Variants in SH3BGRL2 observed in about 807,000 individuals in gnomAD.
The protein encoded by SH3BGRL2 is SH3 domain binding glutamate rich protein like 2.
Under a neutral mutation model 14.8 loss-of-function variants are expected in SH3BGRL2, and 21 were observed. The observed-to-expected ratio is 1.42, with a 90% confidence interval of 1.01 to 2.05. The LOEUF (loss-of-function observed/expected upper bound fraction) is 2.05, where lower values mean the gene tolerates loss of function less well. SH3BGRL2 is among the 30% of genes most tolerant of loss of function. The pLI, the probability that SH3BGRL2 is intolerant of heterozygous loss-of-function variation, is 0.00. For synonymous variants in SH3BGRL2, 50 were observed against 47.8 expected (o/e 1.05, Z -0.19); for missense variants, 147 against 130.8 (o/e 1.12, Z -0.61).
intron 1 of SH3BGRL2, among the ~76,000 whole-genome samples, chr6:79,641,624 T>G (rs372570033): frequency 6.6e-6 from 1 of 152,228 alleles, no homozygotes; most frequent in Non-Finnish European, 1.5e-5. Flanking sequence ...AAAGCTCTTA[T>G]GAGCTTTGAA....
chr6:79,595,116 T>C, the SH3BGRL2 span, among the ~76,000 whole-genome samples: 1 of 152,164 alleles, frequency 6.6e-6, no homozygotes, highest in Non-Finnish European at 1.5e-5. Context: ...AGAAACCCCG[T>C]CTCTACTAAA....
the SH3BGRL2 span, among the ~76,000 whole-genome samples, chr6:79,618,623 T>C: frequency 6.6e-6 from 1 of 151,708 alleles, no homozygotes; most frequent in Non-Finnish European, 1.5e-5. Context: ...GGAGAATCAT[T>C]TGAACCCGGG....
chr6:79,594,435 A>C, the SH3BGRL2 span, among the ~76,000 whole-genome samples: 1 of 152,188 alleles, frequency 6.6e-6, no homozygotes, highest in African/African-American at 2.4e-5. Flanking sequence ...TACCATGAGG[A>C]TCTGTCCCAA....
At chr6:79,598,857 C>A in the SH3BGRL2 span, among the ~76,000 whole-genome samples, 1 of 151,470 alleles carries the variant, frequency 6.6e-6, no homozygotes, top group Non-Finnish European at 1.5e-5. Flanking sequence ...CCGAGGTGGG[C>A]GGATCACCTG....
At chr6:79,553,672 A>G in the SH3BGRL2 span, among the ~76,000 whole-genome samples, 1 of 152,046 alleles carries the variant, frequency 6.6e-6, no homozygotes, top group Non-Finnish European at 1.5e-5. Context: ...CAGTTTTATG[A>G]GGAAATTATA....
the SH3BGRL2 span, among the ~76,000 whole-genome samples, chr6:79,584,574 C>G: frequency 1.3e-5 from 2 of 151,998 alleles, no homozygotes; most frequent in Non-Finnish European, 2.9e-5. Flanking sequence ...CTTATTTTCT[C>G]TTAGGAGGAG....
intron 2 of SH3BGRL2, among the ~76,000 whole-genome samples, chr6:79,687,555 G>C (rs576019679): frequency 5.3e-4 from 81 of 152,260 alleles, no homozygotes; most frequent in Non-Finnish European, 9.3e-4. Context: ...ATCCTGCCAG[G>C]ATTGGAATTG....
chr6:79,647,425 T>C (rs1486127795), intron 1 of SH3BGRL2, among the ~76,000 whole-genome samples: 1 of 152,132 alleles, frequency 6.6e-6, no homozygotes, highest in Non-Finnish European at 1.5e-5. Context: ...TTAGGGAATA[T>C]ATATTTTGGA....
At chr6:79,568,675 CAGG>C in the SH3BGRL2 span, among the ~76,000 whole-genome samples, 2 of 152,080 alleles carry the variant, frequency 1.3e-5, no homozygotes, top group African/African-American at 4.8e-5. Context: ...GGTGGGTACA[CAGG>C]AGACTTCAAA....
At chr6:79,548,633 C>T in the SH3BGRL2 span, among the ~76,000 whole-genome samples, 10 of 152,176 alleles carry the variant, frequency 6.6e-5, no homozygotes, top group Non-Finnish European at 1.5e-4. Context: ...TTTTCTTTTT[C>T]ATTCTCTACC....
At chr6:79,633,447 A>T (rs1016080851) in intron 1 of SH3BGRL2, among the ~76,000 whole-genome samples, 1 of 152,166 alleles carries the variant, frequency 6.6e-6, no homozygotes, top group Non-Finnish European at 1.5e-5. Flanking sequence ...ACCTATTAGT[A>T]TAATACCTAT....
chr6:79,645,862 A>G (rs12526644), intron 1 of SH3BGRL2, among the ~76,000 whole-genome samples: 2 of 152,082 alleles, frequency 1.3e-5, no homozygotes, highest in African/African-American at 2.4e-5. Context: ...TCTATTTGCT[A>G]TGTGCTTGGT....
the SH3BGRL2 span, among the ~76,000 whole-genome samples, chr6:79,620,311 G>GT: frequency 4.6e-5 from 7 of 151,526 alleles, no homozygotes; most frequent in South Asian, 4.2e-4. Flanking sequence ...TAAATTTAAA[G>GT]ATTTTTTTTT....
chr6:79,667,295 G>A lies in SH3BGRL2; in HGVS notation c.46-6319G>A, dbSNP rs151128720. The stretch of plus-strand genomic sequence containing the variant: ...CGCTTGCCTTGTTTGGACACAGTTC[G>A]AATAGTTGGCTGCCTTAATTGGCTG... On this transcript the variant is annotated intron_variant, in intron 1 of 3. Coordinates refer to ENST00000369838, the MANE Select transcript of SH3BGRL2 (RefSeq NM_031469.4). Among the ~76,000 whole-genome samples the A allele has an allele frequency of 1.5e-4, 23 of 152,272 alleles. No individual in the cohort carries two copies. In the East Asian group the frequency reaches 3.5e-3, roughly 23 times the overall value.
the SH3BGRL2 span, among the ~76,000 whole-genome samples, chr6:79,593,297 T>C: frequency 6.6e-6 from 1 of 152,190 alleles, no homozygotes; most frequent in Admixed American, 6.5e-5. Flanking sequence ...TGTGTGTTTA[T>C]ACAAGAAGCA....
chr6:79,666,824 GA>G (rs1562152290), intron 1 of SH3BGRL2, among the ~76,000 whole-genome samples: 1 of 152,182 alleles, frequency 6.6e-6, no homozygotes. Flanking sequence ...TCAGAATAAA[GA>G]AAGCTGTGTG....
chr6:79,690,500 G>A (rs2127738116), intron 2 of SH3BGRL2, among the ~76,000 whole-genome samples: 1 of 152,272 alleles, frequency 6.6e-6, no homozygotes, highest in South Asian at 2.1e-4. Flanking sequence ...CCTGGGCACA[G>A]CTAACAGTCC....
chr6:79,560,421 A>G, the SH3BGRL2 span, among the ~76,000 whole-genome samples: 1 of 152,210 alleles, frequency 6.6e-6, no homozygotes, highest in Non-Finnish European at 1.5e-5. Flanking sequence ...GTGTGCCTGT[A>G]GTCCCAGGTA....
chr6:79,682,431 G>A (rs575213608), intron 2 of SH3BGRL2, among the ~76,000 whole-genome samples: 4 of 152,078 alleles, frequency 2.6e-5, no homozygotes, highest in Admixed American at 6.6e-5. Flanking sequence ...ACAAGACAAC[G>A]TTCCCAAAAG....
Sources: gnomAD v4.1 joint callset for allele counts (sites outside exome capture counted in the v4.1 genomes callset) on GRCh38, gnomAD v4.1.1 for gene constraint, MANE v1.5 for transcripts, NCBI Gene and HGNC (gene_info 2026-07-23, HGNC 2026-07-21) for gene names.